Variants in PDE4B observed in about 807,000 individuals in gnomAD.
PDE4B encodes the protein 3',5'-cyclic-AMP phosphodiesterase 4B.
Under a neutral mutation model 82.2 loss-of-function variants are expected in PDE4B, and 20 were observed. The ratio of observed to expected loss-of-function variants is 0.24; its 90% CI spans 0.17 to 0.35. The LOEUF is 0.35. PDE4B is among the 10% of genes least tolerant of loss of function. The pLI, the probability that PDE4B is intolerant of heterozygous loss-of-function variation, is 1.00. For missense variants in PDE4B, 655 were observed against 907.2 expected (o/e 0.72, Z 3.57); for synonymous variants, 320 against 318.9 (o/e 1.00, Z -0.04).
intron 3 of PDE4B, among the ~76,000 whole-genome samples, chr1:65,952,628 G>GC (rs1262923069): frequency 1.3e-5 from 2 of 152,044 alleles, no homozygotes; most frequent in African/African-American, 4.8e-5. Context: ...GTTTCAGTGA[G>GC]CCAAGATCAT....
chr1:65,961,185 G>T (rs146307609), intron 3 of PDE4B, among the ~76,000 whole-genome samples: 56 of 152,208 alleles, frequency 3.7e-4, no homozygotes, highest in Admixed American at 7.2e-4. Context: ...AATGGTGGAG[G>T]CTTGCTACTT....
intron 1 of PDE4B, among the ~76,000 whole-genome samples, chr1:65,885,030 C>T (rs1480002007): frequency 6.6e-6 from 1 of 152,180 alleles, no homozygotes; most frequent in Non-Finnish European, 1.5e-5. Flanking sequence ...AACAAACAAC[C>T]CCATCAAAAA....
At chr1:66,003,128 G>A (rs1018416051) in intron 3 of PDE4B, among the ~76,000 whole-genome samples, 1 of 152,018 alleles carries the variant, frequency 6.6e-6, no homozygotes, top group Non-Finnish European at 1.5e-5. Flanking sequence ...GAGTCAAAGT[G>A]CATGTGGGTT....
chr1:66,014,929 T>C (rs540102273), intron 3 of PDE4B, among the ~76,000 whole-genome samples: 4 of 152,262 alleles, frequency 2.6e-5, no homozygotes, highest in African/African-American at 9.6e-5. Context: ...ACAGGTTATG[T>C]TGTAGGACTG....
intron 8 of PDE4B, 75 bp from the exon 9 acceptor site, chr1:66,355,452 G>A: frequency 2.2e-6 from 2 of 921,778 alleles, no homozygotes; most frequent in Admixed American, 3.8e-5. Context: ...TTCCTGGACA[G>A]TAAAGTTGGA....
intron 3 of PDE4B, among the ~76,000 whole-genome samples, chr1:66,241,454 A>G (rs1428635594): frequency 6.6e-6 from 1 of 152,132 alleles, no homozygotes; most frequent in East Asian, 1.9e-4. Flanking sequence ...ATAAATATTT[A>G]TTTGTTTTTA....
At chr1:65,794,112 G>T (rs1037064472) in intron 1 of PDE4B, among the ~76,000 whole-genome samples, 1 of 152,020 alleles carries the variant, frequency 6.6e-6, no homozygotes, top group African/African-American at 2.4e-5. Context: ...ACTTTGAGAC[G>T]GTCACCTAAA....
At chr1:66,106,673 G>A (rs940101864) in intron 3 of PDE4B, among the ~76,000 whole-genome samples, 12 of 152,052 alleles carry the variant, frequency 7.9e-5, no homozygotes, top group East Asian at 1.9e-4. Flanking sequence ...TTGGGAGGGC[G>A]TATGTGTTGA....
At chr1:65,965,896 C>G (rs1356821444) in intron 3 of PDE4B, among the ~76,000 whole-genome samples, 1 of 152,074 alleles carries the variant, frequency 6.6e-6, no homozygotes, top group South Asian at 2.1e-4. Flanking sequence ...TGGAACATAT[C>G]TCAAAATAAT....
intron 3 of PDE4B, among the ~76,000 whole-genome samples, chr1:66,040,723 G>C (rs1440147328): frequency 6.7e-6 from 1 of 150,150 alleles, no homozygotes; most frequent in Non-Finnish European, 1.5e-5. Context: ...CTTTGCTCAG[G>C]AAATTAAGTT....
intron 7 of PDE4B, among the ~76,000 whole-genome samples, chr1:66,279,508 C>T (rs1199228425): frequency 6.6e-6 from 1 of 152,044 alleles, no homozygotes; most frequent in Non-Finnish European, 1.5e-5. Flanking sequence ...TCCTGTAATC[C>T]CAGCTGCTCA....
At chr1:66,253,724 A>G (rs1653967299) in intron 4 of PDE4B, among the ~76,000 whole-genome samples, 1 of 152,204 alleles carries the variant, frequency 6.6e-6, no homozygotes, top group Non-Finnish European at 1.5e-5. Flanking sequence ...GCACTCTAAG[A>G]GAAGTTTTTT....
At chr1:66,110,074 T>C (rs1417156978) in intron 3 of PDE4B, among the ~76,000 whole-genome samples, 3 of 151,558 alleles carry the variant, frequency 2.0e-5, no homozygotes, top group Non-Finnish European at 2.9e-5. Context: ...TGCAGTGGAG[T>C]CAGGGTACCA....
chr1:66,123,413 C>T (rs895664014), intron 3 of PDE4B, among the ~76,000 whole-genome samples: 4 of 152,068 alleles, frequency 2.6e-5, no homozygotes, highest in African/African-American at 9.7e-5. Flanking sequence ...TTGAATTATA[C>T]TTTCTCAATT....
At chr1:66,368,730 T>C in intron 15 of PDE4B, 57 bp from the exon 16 acceptor site, 3 of 1,341,634 alleles carry the variant, frequency 2.2e-6, no homozygotes, top group South Asian at 3.4e-5. Flanking sequence ...AGGCATGAGA[T>C]GTTCCGGCAG....
At chr1:65,982,135 A>C (rs1307167853) in intron 3 of PDE4B, among the ~76,000 whole-genome samples, 1 of 152,206 alleles carries the variant, frequency 6.6e-6, no homozygotes, top group Non-Finnish European at 1.5e-5. Flanking sequence ...ATGAATGTTA[A>C]AGATGTTTCT....
intron 3 of PDE4B, among the ~76,000 whole-genome samples, chr1:66,048,477 C>T (rs1277647827): frequency 1.3e-5 from 2 of 151,928 alleles, no homozygotes; most frequent in Non-Finnish European, 2.9e-5. Context: ...GTAAATATGG[C>T]ATTCAATATG....
intron 3 of PDE4B, among the ~76,000 whole-genome samples, chr1:66,103,706 A>G (rs1645274496): frequency 6.6e-6 from 1 of 152,076 alleles, no homozygotes; most frequent in Non-Finnish European, 1.5e-5. Context: ...ATCATTATAC[A>G]CAAAAATTTG....
intron 7 of PDE4B, among the ~76,000 whole-genome samples, chr1:66,284,332 T>G (rs1656515312): frequency 6.6e-6 from 1 of 152,218 alleles, no homozygotes; most frequent in Non-Finnish European, 1.5e-5. Flanking sequence ...GCATATTCTT[T>G]GAGCACCTAT....
Sources: gnomAD v4.1 joint callset for allele counts (sites outside exome capture counted in the v4.1 genomes callset) on GRCh38, gnomAD v4.1.1 for gene constraint, MANE v1.5 for transcripts, NCBI Gene and HGNC (gene_info 2026-07-23, HGNC 2026-07-21) for gene names.